The following ERAP1 variants were observed in gnomAD, a reference collection of about 807,000 sequenced individuals.
The protein encoded by ERAP1 is endoplasmic reticulum aminopeptidase 1, also known as adipocyte-derived leucine aminopeptidase.
ERAP1 carries 86 observed loss-of-function variants against 103.7 expected under a neutral mutation model. The observed-to-expected ratio is 0.83, with a 90% CI of 0.70 to 0.99. The LOEUF is 0.99. Among genes scored for constraint, ERAP1 ranks in the 50% least tolerant of loss-of-function variants. ERAP1 has a pLI of 0.00. For missense variants in ERAP1, 1,009 were observed against 1,128.4 expected (o/e 0.89, Z 1.52); for synonymous variants, 398 against 402.4 (o/e 0.99, Z 0.13).
the ERAP1 span, among the ~76,000 whole-genome samples, chr5:96,890,104 A>C: frequency 1.3e-5 from 2 of 152,176 alleles, no homozygotes; most frequent in African/African-American, 2.4e-5. Flanking sequence ...ATGAGATGAT[A>C]CTCATAGTCT....
chr5:96,853,210 C>G, the ERAP1 span, among the ~76,000 whole-genome samples: 7 of 152,266 alleles, frequency 4.6e-5, no homozygotes, highest in African/African-American at 1.7e-4. Context: ...GGTCCAAAAA[C>G]CTACTGACAA....
chr5:96,867,404 C>T, the ERAP1 span, among the ~76,000 whole-genome samples: 1 of 152,116 alleles, frequency 6.6e-6, no homozygotes, highest in South Asian at 2.1e-4. Context: ...TACTATTTGT[C>T]ACAGTTTTTA....
intron 17 of ERAP1, 125 bp from the exon 18 acceptor site, chr5:96,780,629 A>T: frequency 1.3e-6 from 1 of 760,980 alleles, no homozygotes; most frequent in Non-Finnish European, 2.3e-6. Context: ...ACAAAATATG[A>T]TGTCTATCCA....
intron 13 of ERAP1, chr5:96,785,435 C>A (rs932838003): frequency 2.9e-6 from 1 of 344,610 alleles, no homozygotes; most frequent in Middle Eastern, 1.0e-3. Flanking sequence ...GTGGGAGAAA[C>A]CTGATCCGGT....
the ERAP1 span, among the ~76,000 whole-genome samples, chr5:96,820,751 G>A: frequency 6.6e-6 from 1 of 152,058 alleles, no homozygotes; most frequent in Non-Finnish European, 1.5e-5. Flanking sequence ...GTTTGATATT[G>A]TCTGTAACCT....
At chr5:96,856,349 A>AATATAT in the ERAP1 span, among the ~76,000 whole-genome samples, 59 of 8,530 alleles carry the variant, frequency 6.9e-3, 3 homozygotes, top group East Asian at 0.025. Flanking sequence ...AAAAAAAAAA[A>AATATAT]ATATATATAT....
the ERAP1 span, among the ~76,000 whole-genome samples, chr5:96,834,427 T>C: frequency 6.6e-6 from 1 of 152,242 alleles, no homozygotes; most frequent in Non-Finnish European, 1.5e-5. Flanking sequence ...AATGGGCCTA[T>C]TATTAATGTT....
the ERAP1 span, among the ~76,000 whole-genome samples, chr5:96,837,761 G>A: frequency 6.6e-6 from 1 of 152,196 alleles, no homozygotes; most frequent in African/African-American, 2.4e-5. Flanking sequence ...TCTGGCATTC[G>A]GGAGGAATGA....
the ERAP1 span, chr5:96,822,997 G>A: frequency 2.2e-6 from 1 of 453,762 alleles, no homozygotes. Context: ...GCAGAATTCA[G>A]TTACACAAGG....
chr5:96,908,457 G>A, the ERAP1 span, among the ~76,000 whole-genome samples: 8 of 152,124 alleles, frequency 5.3e-5, no homozygotes, highest in South Asian at 4.1e-4. Context: ...AATGATTACC[G>A]CTTCTCTGAT....
intron 11 of ERAP1, among the ~76,000 whole-genome samples, chr5:96,787,517 C>G (rs916145232): frequency 6.6e-6 from 1 of 152,136 alleles, no homozygotes; most frequent in African/African-American, 2.4e-5. Context: ...CCTCCTGCCT[C>G]GGCTTCCCAA....
At chr5:96,762,559 A>G (rs1018810543) in exon 20 of ERAP1, 1 of 497,978 alleles carries the variant, frequency 2.0e-6, no homozygotes, top group African/African-American at 2.0e-5. Flanking sequence ...AAATGATTAA[A>G]TGAAACTATA....
the ERAP1 span, chr5:96,908,942 C>T: frequency 6.2e-7 from 1 of 1,605,794 alleles, no homozygotes; most frequent in African/African-American, 1.3e-5. Flanking sequence ...AAACCACTGA[C>T]ATTTGTTTTA....
the ERAP1 span, chr5:96,896,477 A>G: frequency 6.2e-7 from 1 of 1,613,506 alleles, no homozygotes. Context: ...AAATACAGGA[A>G]ATGTTTGATG....
chr5:96,786,973 A>G (rs1423051047), intron 11 of ERAP1, among the ~76,000 whole-genome samples: 1 of 152,224 alleles, frequency 6.6e-6, no homozygotes, highest in Non-Finnish European at 1.5e-5. Context: ...AAGGCATTCT[A>G]TAAAATAACT....
At chr5:96,901,620 CAG>C in the ERAP1 span, 3 of 1,614,140 alleles carry the variant, frequency 1.9e-6, no homozygotes, top group Non-Finnish European at 2.5e-6. Flanking sequence ...CCGACTGCAA[CAG>C]GAGCGCTTCC....
the ERAP1 span, chr5:96,912,558 T>C: frequency 1.9e-6 from 2 of 1,027,176 alleles, no homozygotes; most frequent in Non-Finnish European, 2.9e-6. Flanking sequence ...ATTATTGTGT[T>C]ATAGGACTTA....
chr5:96,854,639 T>C, the ERAP1 span, among the ~76,000 whole-genome samples: 2 of 152,282 alleles, frequency 1.3e-5, no homozygotes, highest in African/African-American at 4.8e-5. Flanking sequence ...TTAAATCCAA[T>C]ACAGGTTTGA....
chr5:96,780,375 A>G, intron 18 of ERAP1, 48 bp downstream of exon 18: 1 of 1,351,640 alleles, frequency 7.4e-7, no homozygotes, highest in Non-Finnish European at 1.0e-6. Flanking sequence ...TTAATTAGCT[A>G]ATTTTCATTT....
Sources: allele counts gnomAD v4.1 joint callset (sites outside exome capture counted in the v4.1 genomes callset), GRCh38; gene constraint gnomAD v4.1.1; transcripts MANE v1.5; gene names NCBI Gene and HGNC (gene_info 2026-07-23, HGNC 2026-07-21).